The following SRGAP3 variants were observed in gnomAD, a reference collection of about 807,000 sequenced individuals.
The protein encoded by SRGAP3 is SLIT-ROBO Rho GTPase-activating protein 3.
Under a neutral mutation model 121.1 loss-of-function variants are expected in SRGAP3, and 39 were observed. The observed-to-expected ratio is 0.32, with a 90% confidence interval of 0.25 to 0.42. SRGAP3 has a LOEUF of 0.42. SRGAP3 is among the 10% of genes least tolerant of loss of function. The pLI is 1.00. For synonymous variants in SRGAP3, 601 were observed against 570.0 expected (o/e 1.05, Z -0.77); for missense variants, 1,213 against 1,470.6 (o/e 0.82, Z 2.86).
Position 9,131,471 on chromosome 3 carries a change from C to T in SRGAP3, c.68-6554G>A, listed in dbSNP as rs1291195189. Among the ~76,000 whole-genome samples the T allele has an allele frequency of 2.4e-5, 3 of 127,602 alleles. No individual in the cohort carries two copies. In the Admixed American group the frequency reaches 2.7e-4, roughly 12 times the overall value. 83.7% of individuals were successfully genotyped at this position (127,602 alleles called of 152,430 possible). On this transcript the variant is annotated intron_variant, in intron 1 of 21. Transcript: ENST00000383836. ...TTTTTTTTTTTGAGATGGAGTCTCA[C>T]TCTGTCACCCAGGCTGGAGTGCAGT...
chr3:9,338,433 T>C (rs1025584726), intron 1 of SRGAP3, among the ~76,000 whole-genome samples: 4 of 152,182 alleles, frequency 2.6e-5, no homozygotes, highest in African/African-American at 9.7e-5. Flanking sequence ...ATCTAGCCAA[T>C]TTTGGAATTA....
chr3:8,983,130 G>A lies in SRGAP3; in HGVS notation c.*2389C>T. The A allele has an allele frequency of 4.4e-6, 1 of 227,482 alleles. No individual in the cohort carries two copies. The highest frequency in any genetic ancestry group is 8.7e-6 in the Non-Finnish European group (1 of 114,542). 14.1% of individuals were successfully genotyped at this position (227,482 alleles called of 1,614,324 possible). On this transcript the variant is annotated 3_prime_UTR_variant, in exon 22 of 22. Coordinates refer to ENST00000383836, the MANE Select transcript of SRGAP3 (RefSeq NM_014850.4). ...AATCAGAAGTCTTGTGTCCTGGCTGGACAGTATAGCATCCAGCATGCAAAC... is the reference window on the plus strand; with the variant it reads ...AATCAGAAGTCTTGTGTCCTGGCTGAACAGTATAGCATCCAGCATGCAAAC...
At chr3:9,208,454 G>A (rs1952338562) in intron 1 of SRGAP3, among the ~76,000 whole-genome samples, 1 of 152,142 alleles carries the variant, frequency 6.6e-6, no homozygotes, top group African/African-American at 2.4e-5. Flanking sequence ...AACCCACAAA[G>A]GTCTTAGGAA....
intron 1 of SRGAP3, among the ~76,000 whole-genome samples, chr3:9,243,572 T>C (rs1230051636): frequency 6.7e-6 from 1 of 149,844 alleles, no homozygotes; most frequent in Non-Finnish European, 1.5e-5. Context: ...GAGGCAGAGG[T>C]TATAGTGAGC....
intron 1 of SRGAP3, chr3:9,217,817 G>A (rs1952683713): frequency 6.6e-6 from 1 of 152,090 alleles, no homozygotes; most frequent in Admixed American, 6.5e-5. Flanking sequence ...GTGGCCTTTG[G>A]ACCTCGGTGG....
chr3:9,136,299 C>T (rs1181829167), intron 1 of SRGAP3, among the ~76,000 whole-genome samples: 1 of 152,114 alleles, frequency 6.6e-6, no homozygotes, highest in African/African-American at 2.4e-5. Context: ...CCCGAGGGTC[C>T]GCAGGATCCG....
chr3:9,252,540 T>C (rs902102967), upstream of SRGAP3, among the ~76,000 whole-genome samples: 4 of 152,020 alleles, frequency 2.6e-5, no homozygotes, highest in East Asian at 7.7e-4. Flanking sequence ...GATACCCAGA[T>C]TGGGAAAAGG....
intron 3 of SRGAP3, among the ~76,000 whole-genome samples, chr3:9,103,419 C>T (rs2124908636): frequency 6.6e-6 from 1 of 152,346 alleles, no homozygotes; most frequent in African/African-American, 2.4e-5. Context: ...ACAGGAACAA[C>T]AAGCCTGTTA....
intron 20 of SRGAP3, among the ~76,000 whole-genome samples, chr3:8,992,006 C>A (rs868385278): frequency 7.9e-5 from 12 of 152,190 alleles, no homozygotes; most frequent in Admixed American, 7.9e-4. Context: ...CCTACGCCAG[C>A]CTTCCACTTC....
At chr3:9,027,969 G>T in intron 12 of SRGAP3, 1 of 1,060,970 alleles carries the variant, frequency 9.4e-7, no homozygotes, top group Non-Finnish European at 1.5e-6. Flanking sequence ...TTCCTTGATT[G>T]ACTGTGCCCA....
At chr3:9,344,002 T>C (rs1955838295) in intron 1 of SRGAP3, among the ~76,000 whole-genome samples, 1 of 152,228 alleles carries the variant, frequency 6.6e-6, no homozygotes, top group African/African-American at 2.4e-5. Context: ...TTTTTCTGTA[T>C]CAGTAACACT....
At chr3:9,008,140 G>A (rs1473665139) in intron 18 of SRGAP3, 1 of 152,242 alleles carries the variant, frequency 6.6e-6, no homozygotes, top group Non-Finnish European at 1.5e-5. Context: ...CCAAAGCTCT[G>A]ACTCATGCAT....
chr3:9,005,863 T>G (rs1315411970), intron 18 of SRGAP3, among the ~76,000 whole-genome samples: 3 of 152,148 alleles, frequency 2.0e-5, no homozygotes, highest in African/African-American at 7.2e-5. Context: ...TGGTGATGGT[T>G]GCACATATCT....
At chr3:9,238,171 G>A (rs759059601) in intron 1 of SRGAP3, among the ~76,000 whole-genome samples, 10 of 152,204 alleles carry the variant, frequency 6.6e-5, no homozygotes, top group Non-Finnish European at 1.0e-4. Flanking sequence ...GAGACCCTGA[G>A]AAACTTTGGG....
chr3:9,263,003 G>A (rs1325625787), intron 3 of SRGAP3, among the ~76,000 whole-genome samples: 1 of 152,008 alleles, frequency 6.6e-6, no homozygotes, highest in Non-Finnish European at 1.5e-5. Context: ...CAAAAGAATG[G>A]AAATCATAAC....
At position 8,983,522 on chromosome 3, in the gene SRGAP3, C is replaced by T. The variant is rs992844543; in HGVS notation, c.*1997G>A. On this transcript the variant is annotated 3_prime_UTR_variant, in exon 22 of 22. Transcript: ENST00000383836. The stretch of plus-strand genomic sequence containing the variant: ...CCCTTTGGGTGTATTTACCTTTTCG[C>T]GGGGGACCAGAGGAGAGGGCACCAC... 1.0e-4 allele frequency: 23 copies of T among 229,536 alleles called. No homozygotes were observed. The highest frequency in any genetic ancestry group is 9.7e-4 in the Admixed American group (17 of 17,608). The allele number at this position is 229,536 out of a possible 1,614,324, so 14.2% of individuals were successfully genotyped here.
At chr3:9,150,249 G>A (rs1255869350) in intron 1 of SRGAP3, among the ~76,000 whole-genome samples, 1 of 151,574 alleles carries the variant, frequency 6.6e-6, no homozygotes, top group Non-Finnish European at 1.5e-5. Context: ...GGGGTGAGGA[G>A]AGGAGGGTCA....
chr3:9,148,677 T>C (rs985178285), intron 1 of SRGAP3, among the ~76,000 whole-genome samples: 4 of 152,080 alleles, frequency 2.6e-5, no homozygotes, highest in African/African-American at 9.7e-5. Flanking sequence ...GCCTGGGACG[T>C]GGGGCCTGGG....
upstream of SRGAP3, among the ~76,000 whole-genome samples, chr3:9,250,493 C>T (rs895875989): frequency 6.6e-6 from 1 of 152,010 alleles, no homozygotes; most frequent in Non-Finnish European, 1.5e-5. Context: ...AAAATAAGCA[C>T]AGTAAGTATA....
Sources: allele counts gnomAD v4.1 joint callset (sites outside exome capture counted in the v4.1 genomes callset), GRCh38; gene constraint gnomAD v4.1.1; transcripts MANE v1.5; gene names NCBI Gene and HGNC (gene_info 2026-07-23, HGNC 2026-07-21).